Variants in SERPINI2 observed in about 807,000 individuals in gnomAD.
The protein encoded by SERPINI2 is serpin family I member 2, also known as serpin I2.
In SERPINI2, 48 loss-of-function variants were observed where a neutral mutation model predicts 47.3. That is an observed-to-expected ratio of 1.02 (90% CI 0.81 to 1.29). The LOEUF (loss-of-function observed/expected upper bound fraction) is 1.29. SERPINI2 is among the 50% of genes most tolerant of loss of function. The pLI is 0.00. For missense variants in SERPINI2, 448 were observed against 456.9 expected (o/e 0.98, Z 0.18); for synonymous variants, 135 against 149.3 (o/e 0.90, Z 0.70).
chr3:167,449,167 G>T (rs9857487), intron 7 of SERPINI2, 149 bp downstream of exon 7: 2 of 637,506 alleles, frequency 3.1e-6, no homozygotes, highest in East Asian at 2.9e-5. Context: ...TATGAACAGC[G>T]TATACAACCA....
chr3:167,461,231 A>T (rs1340965233), intron 5 of SERPINI2, among the ~76,000 whole-genome samples: 6 of 152,118 alleles, frequency 3.9e-5, no homozygotes, highest in Non-Finnish European at 7.4e-5. Flanking sequence ...CTGGGCAGTG[A>T]TCTTTTTAAC....
chr3:167,467,371 C>G (rs910944730), intron 2 of SERPINI2, 86 bp from the exon 3 acceptor site: 5 of 893,518 alleles, frequency 5.6e-6, no homozygotes, highest in Non-Finnish European at 8.4e-6. Flanking sequence ...TACTCTGATT[C>G]ATATCACCGT....
At chr3:167,473,875 TTAAA>T in intron 1 of SERPINI2, 124 bp downstream of exon 1, 1 of 1,201,344 alleles carries the variant, frequency 8.3e-7, no homozygotes, top group East Asian at 3.1e-5. Flanking sequence ...GATATGTTAA[TTAAA>T]TAAATTCAAA....
At chr3:167,470,550 C>CTTGTTTTTTTTT (rs1750277158) in intron 2 of SERPINI2, among the ~76,000 whole-genome samples, 1 of 93,048 alleles carries the variant, frequency 1.1e-5, no homozygotes, top group African/African-American at 5.7e-5. Context: ...TGAGCAACAA[C>CTTGTTTTTTTTT]TTTTTTTTTT....
At chr3:167,471,780 A>G (rs145246266) in exon 2 of SERPINI2, 1 of 1,613,500 alleles carries the variant, frequency 6.2e-7, no homozygotes, top group Non-Finnish European at 8.5e-7. Context: ...GAGCATCTTG[A>G]GGCTTGACTT....
At chr3:167,459,520 C>T (rs985303054) in intron 5 of SERPINI2, among the ~76,000 whole-genome samples, 1 of 151,854 alleles carries the variant, frequency 6.6e-6, no homozygotes, top group African/African-American at 2.4e-5. Context: ...TAATGGGAAG[C>T]ACTCGAGTAT....
chr3:167,460,839 G>A (rs955810136), intron 5 of SERPINI2, among the ~76,000 whole-genome samples: 1 of 152,108 alleles, frequency 6.6e-6, no homozygotes, highest in Non-Finnish European at 1.5e-5. Context: ...GAAAATATTT[G>A]TGTAATTTAA....
chr3:167,455,791 C>T (rs934563513), intron 5 of SERPINI2, among the ~76,000 whole-genome samples: 1 of 152,066 alleles, frequency 6.6e-6, no homozygotes, highest in Non-Finnish European at 1.5e-5. Context: ...ATGGGCACAT[C>T]TTACATGGCT....
intron 2 of SERPINI2, 72 bp from the exon 3 acceptor site, chr3:167,467,357 T>G (rs986542806): frequency 1.9e-6 from 2 of 1,054,810 alleles, no homozygotes; most frequent in Non-Finnish European, 2.7e-6. Context: ...CTTTGCTATC[T>G]AAGTACTCTG....
chr3:167,446,566 G>A, intron 7 of SERPINI2, 85 bp from the exon 8 acceptor site: 4 of 833,070 alleles, frequency 4.8e-6, no homozygotes, highest in Non-Finnish European at 7.4e-6. Context: ...TTTGTAGACA[G>A]GAAAAGTCAT....
At chr3:167,446,369 CA>C in intron 8 of SERPINI2, 22 bp downstream of exon 8, 1 of 1,498,746 alleles carries the variant, frequency 6.7e-7, no homozygotes, top group Non-Finnish European at 9.2e-7. Flanking sequence ...TCAGTTCCCC[CA>C]AATAATTCTC....
chr3:167,452,543 A>G (rs1265842950), intron 6 of SERPINI2, among the ~76,000 whole-genome samples: 1 of 152,220 alleles, frequency 6.6e-6, no homozygotes, highest in Non-Finnish European at 1.5e-5. Context: ...ATGTGTTCTC[A>G]TATTAGTGAA....
At chr3:167,449,425 A>C in intron 6 of SERPINI2, 23 bp from the exon 7 acceptor site, 1 of 1,422,418 alleles carries the variant, frequency 7.0e-7, no homozygotes, top group Non-Finnish European at 9.8e-7. Context: ...AAATACACAA[A>C]AGTGTATTTA....
At position 167,453,041 on chromosome 3, in the gene SERPINI2, TAAAAAAAAAAG is replaced by T; in HGVS notation, c.867-19_867-9del. ...TTTTGTTCTACTTTAAATCTGTTAT[TAAAAAAAAAAG>T]AAAAAGAAAAGTCTTGAAACACTGC... On this transcript the variant is annotated splice_polypyrimidine_tract_variant and intron_variant, in intron 5 of 8. Coordinates refer to ENST00000264677, the Ensembl canonical transcript of SERPINI2. 7.4e-7 allele frequency: 1 copy of T among 1,348,660 alleles called. No homozygotes were observed. Among genetic ancestry groups the T allele is most frequent in the Non-Finnish European group, 1.0e-6 (1 of 991,584 alleles). The allele number at this position is 1,348,660 out of a possible 1,614,324, so 83.5% of individuals were successfully genotyped here. A position where few individuals can be genotyped will look rare whatever the true frequency, so the allele number is the denominator to read the frequency against.
intron 5 of SERPINI2, among the ~76,000 whole-genome samples, chr3:167,453,947 C>G (rs1017176408): frequency 2.6e-5 from 4 of 152,162 alleles, no homozygotes; most frequent in African/African-American, 9.7e-5. Context: ...ATTTTAAATA[C>G]AGATCAGAAA....
intron 5 of SERPINI2, among the ~76,000 whole-genome samples, chr3:167,453,438 C>G (rs1749697681): frequency 6.6e-6 from 1 of 152,132 alleles, no homozygotes; most frequent in Non-Finnish European, 1.5e-5. Context: ...ACATGATGAG[C>G]AGGGAACAGG....
intron 2 of SERPINI2, among the ~76,000 whole-genome samples, chr3:167,469,800 T>C (rs1449278185): frequency 1.3e-5 from 2 of 152,156 alleles, no homozygotes; most frequent in African/African-American, 4.8e-5. Context: ...AGTGAGAATA[T>C]ATTGCTCTTA....
At chr3:167,452,391 T>C (rs78866670) in intron 6 of SERPINI2, among the ~76,000 whole-genome samples, 8,833 of 152,278 alleles carry the variant, frequency 0.058, 810 homozygotes, top group African/African-American at 0.2. Context: ...AGGATTCCCC[T>C]GATGCGAGTT....
At chr3:167,467,374 A>G (rs1750167332) in intron 2 of SERPINI2, 89 bp from the exon 3 acceptor site, 4 of 885,300 alleles carry the variant, frequency 4.5e-6, no homozygotes, top group Non-Finnish European at 6.8e-6. Flanking sequence ...TCTGATTCAT[A>G]TCACCGTTTT....
Sources: gnomAD v4.1 joint callset for allele counts (sites outside exome capture counted in the v4.1 genomes callset) on GRCh38, gnomAD v4.1.1 for gene constraint, MANE v1.5 for transcripts, NCBI Gene and HGNC (gene_info 2026-07-23, HGNC 2026-07-21) for gene names.